TENT4B: variants seen among roughly 807,000 people sequenced by gnomAD.
The protein encoded by TENT4B is terminal nucleotidyltransferase 4B.
In TENT4B, 10 loss-of-function variants were observed where a neutral mutation model predicts 75.0. The observed-to-expected ratio is 0.13, with a 90% CI of 0.08 to 0.23. The LOEUF (loss-of-function observed/expected upper bound fraction) is 0.23, where lower values mean the gene tolerates loss of function less well. Among genes scored for constraint, TENT4B ranks in the 10% least tolerant of loss-of-function variants. The pLI is 1.00. For missense variants in TENT4B, 579 were observed against 893.8 expected (o/e 0.65, Z 4.49); for synonymous variants, 350 against 357.7 (o/e 0.98, Z 0.24).
chr16:50,156,287 C>T (rs1279731382), intron 1 of TENT4B, among the ~76,000 whole-genome samples: 1 of 151,648 alleles, frequency 6.6e-6, no homozygotes, highest in Non-Finnish European at 1.5e-5. Context: ...AAACAATTCC[C>T]AAGAGTGTTA....
chr16:50,157,671 A>G (rs1228652319), intron 1 of TENT4B, among the ~76,000 whole-genome samples: 3 of 151,880 alleles, frequency 2.0e-5, no homozygotes, highest in African/African-American at 7.3e-5. Flanking sequence ...ATCTCGGCTC[A>G]CTGCAGCCTT....
intron 5 of TENT4B, 113 bp downstream of exon 5, chr16:50,217,776 T>TCTCTCTCTCTCTC: frequency 7.7e-5 from 1 of 12,946 alleles, no homozygotes; most frequent in Non-Finnish European, 1.5e-4. Context: ...CTCTCTCTCT[T>TCTCTCTCTCTCTC]TTAAATAGAG....
intron 5 of TENT4B, among the ~76,000 whole-genome samples, chr16:50,220,028 G>T (rs972147578): frequency 6.7e-6 from 1 of 148,286 alleles, no homozygotes; most frequent in Admixed American, 6.8e-5. Context: ...TCACTCTGTT[G>T]CCCAGGCTGG....
intron 1 of TENT4B, among the ~76,000 whole-genome samples, chr16:50,165,623 C>T (rs1050907299): frequency 2.4e-4 from 37 of 152,298 alleles, no homozygotes; most frequent in East Asian, 1.9e-4. Flanking sequence ...CATATAGACT[C>T]TCTGTCTCTG....
chr16:50,193,499 G>A (rs1414453652), intron 1 of TENT4B, among the ~76,000 whole-genome samples: 2 of 151,844 alleles, frequency 1.3e-5, no homozygotes, highest in African/African-American at 2.4e-5. Context: ...CGCCACGCCC[G>A]GCCAATTTTT....
intron 1 of TENT4B, among the ~76,000 whole-genome samples, chr16:50,161,692 A>G (rs937044890): frequency 1.3e-5 from 2 of 152,218 alleles, no homozygotes; most frequent in Admixed American, 1.3e-4. Flanking sequence ...AGTTGTGAAA[A>G]ATAGTACAGA....
intron 1 of TENT4B, among the ~76,000 whole-genome samples, chr16:50,167,112 A>T (rs950598595): frequency 6.6e-6 from 1 of 152,174 alleles, no homozygotes; most frequent in East Asian, 1.9e-4. Context: ...TATATTCTAG[A>T]TCGGGGTGTC....
intron 1 of TENT4B, among the ~76,000 whole-genome samples, chr16:50,206,273 C>G (rs1410067071): frequency 1.3e-5 from 2 of 151,910 alleles, no homozygotes; most frequent in Non-Finnish European, 2.9e-5. Flanking sequence ...TATACTTCCC[C>G]ACATGCATAT....
intron 7 of TENT4B, 64 bp downstream of exon 7, chr16:50,223,451 C>A: frequency 9.5e-7 from 1 of 1,054,962 alleles, no homozygotes. Context: ...CCTTATTATA[C>A]TTTAAATTCT....
chr16:50,154,071 A>G lies in TENT4B; in HGVS notation c.450A>G (p.Pro150=). 1 of 1,532,204 alleles carries G rather than the reference A, an allele frequency of 6.5e-7. No individual in the cohort carries two copies. 94.9% of individuals were successfully genotyped at this position (1,532,204 alleles called of 1,614,324 possible). ...HPSAAVPAAD[P]ADSASGSSNK... ...CGGCCGCCGTCCCCGCCGCCGATCC[A>G]GCCGATTCGGCCTCGGGCAGCAGCA... The change falls in exon 1 of 12, where the codon CCA becomes CCG. Residue 150 remains proline, a synonymous_variant. Transcript: ENST00000561678.
chr16:50,224,524 G>C, intron 7 of TENT4B, 133 bp from the exon 8 acceptor site: 2 of 1,060,028 alleles, frequency 1.9e-6, no homozygotes, highest in Non-Finnish European at 1.4e-6. Context: ...TTTGGGGACA[G>C]CTCACAGCTC....
At chr16:50,156,729 A>G (rs2037908622) in intron 1 of TENT4B, among the ~76,000 whole-genome samples, 1 of 151,854 alleles carries the variant, frequency 6.6e-6, no homozygotes, top group East Asian at 1.9e-4. Flanking sequence ...ATCATAGCTC[A>G]CTGTATCCTC....
At chr16:50,212,711 A>G (rs939890494) in intron 2 of TENT4B, among the ~76,000 whole-genome samples, 1 of 151,962 alleles carries the variant, frequency 6.6e-6, no homozygotes. Flanking sequence ...GCTAGTGGCT[A>G]TTTTGTTCTC....
chr16:50,184,635 C>A (rs909755437), intron 1 of TENT4B, among the ~76,000 whole-genome samples: 1 of 151,982 alleles, frequency 6.6e-6, no homozygotes, highest in Non-Finnish European at 1.5e-5. Flanking sequence ...CCACTGCACT[C>A]CAGCCTGGGC....
At chr16:50,153,145 C>T (rs1252210937), upstream of TENT4B, 4 of 459,904 alleles carry the variant, frequency 8.7e-6, no homozygotes, top group African/African-American at 3.1e-5. Context: ...TGCTGCGCGG[C>T]GCAGCGGGGG....
At chr16:50,197,238 G>A (rs1358410917) in intron 1 of TENT4B, among the ~76,000 whole-genome samples, 1 of 152,164 alleles carries the variant, frequency 6.6e-6, no homozygotes, top group African/African-American at 2.4e-5. Context: ...CACATTATGT[G>A]AAACACTAGA....
chr16:50,229,146 C>T lies in TENT4B; in HGVS notation c.1966-6C>T, dbSNP rs1399194433. The T allele has an allele frequency of 6.2e-7, 1 of 1,603,626 alleles. No individual in the cohort carries two copies. The highest frequency in any genetic ancestry group is 1.7e-5 in the Admixed American group (1 of 59,484). On this transcript the variant is annotated splice_region_variant and splice_polypyrimidine_tract_variant and intron_variant, in intron 11 of 11. Transcript: ENST00000561678. ...ATGTCTTTGTGGTCGTTTTCTGTTTCTGCAGCATGGATCAGCAAGGCTCTT... is the reference window on the plus strand; with the variant it reads ...ATGTCTTTGTGGTCGTTTTCTGTTTTTGCAGCATGGATCAGCAAGGCTCTT...
rs1422772792 is a variant in TENT4B, at chr16:50,225,129, G to A, written c.1644G>A (p.Gln548=). 3.1e-6 allele frequency: 5 copies of A among 1,612,986 alleles called. No homozygotes were observed. The African/African-American group carries it at 6.7e-5, about 22-fold the overall frequency. The part of the protein sequence containing the change: ...GNGVTLIVDT[Q]QLDKCNNNLS... ...GTGTTACCTTGATAGTAGATACTCA[G>A]CAGTTAGATAAATGTAATAATAATC... Residue 548 remains glutamine (Q), a synonymous_variant, in exon 10 of 12, where the codon CAG becomes CAA. Transcript: ENST00000561678.
At chr16:50,225,777 T>C (rs982267244) in intron 10 of TENT4B, among the ~76,000 whole-genome samples, 3 of 150,788 alleles carry the variant, frequency 2.0e-5, no homozygotes, top group Non-Finnish European at 4.4e-5. Flanking sequence ...CCGCCTCCCA[T>C]GTTCAAACGA....
Sources: allele counts gnomAD v4.1 joint callset (sites outside exome capture counted in the v4.1 genomes callset), GRCh38; gene constraint gnomAD v4.1.1; transcripts MANE v1.5; gene names NCBI Gene and HGNC (gene_info 2026-07-23, HGNC 2026-07-21).